The following LDAH variants were observed in gnomAD, a reference collection of about 807,000 sequenced individuals.
LDAH encodes the protein lipid droplet associated hydrolase, also known as lipid droplet-associated hydrolase.
In LDAH, 26 loss-of-function variants were observed where a neutral mutation model predicts 29.6. That is an observed-to-expected ratio of 0.88 (90% CI 0.64 to 1.22). The LOEUF (loss-of-function observed/expected upper bound fraction) is 1.22, where lower values mean the gene tolerates loss of function less well. LDAH is among the 50% of genes most tolerant of loss of function. The probability of loss-of-function intolerance (pLI) is 0.00; values close to 1 mark genes in which losing one functional copy is unlikely to be tolerated. For missense variants in LDAH, 344 were observed against 387.3 expected, an observed-to-expected ratio of 0.89 and a Z score of 0.94; for synonymous variants, 117 against 133.0, an observed-to-expected ratio of 0.88 and a Z score of 0.83.
chr2:20,702,825 A>C (rs1362910371), intron 5 of LDAH, among the ~76,000 whole-genome samples: 1 of 152,130 alleles, frequency 6.6e-6, no homozygotes, highest in Non-Finnish European at 1.5e-5. Flanking sequence ...CTGGAATTTT[A>C]GTTCCAGATT....
At position 20,789,825 on chromosome 2, in the gene LDAH, T is replaced by C. The variant is rs1020000360; in HGVS notation, c.298+430A>G. Among the ~76,000 whole-genome samples the C allele has an allele frequency of 5.9e-5, 9 of 152,178 alleles. No individual in the cohort carries two copies. The South Asian group carries it at 8.3e-4, about 14-fold the overall frequency. On this transcript the variant is annotated intron_variant, in intron 3 of 6. Coordinates refer to ENST00000237822, the MANE Select transcript of LDAH (RefSeq NM_021925.4). ...GTGAACTGTGCATGCCAGATCTAGGTTGCACACCTGTTAATCTGAGGTGGA... is the reference window on the plus strand; with the variant it reads ...GTGAACTGTGCATGCCAGATCTAGGCTGCACACCTGTTAATCTGAGGTGGA...
chr2:20,775,806 T>C lies in LDAH; in HGVS notation c.299-827A>G, dbSNP rs556897628. On this transcript the variant is annotated intron_variant, in intron 3 of 6. Coordinates refer to ENST00000237822, the MANE Select transcript of LDAH (RefSeq NM_021925.4). ...TGCTTAATCAGTACCTCTTTTATTATAGCACTTTATCAAACTTGCACATTG... is the reference window on the plus strand; with the variant it reads ...TGCTTAATCAGTACCTCTTTTATTACAGCACTTTATCAAACTTGCACATTG... Among the ~76,000 whole-genome samples, 5 of 152,344 alleles carry C rather than the reference T, an allele frequency of 3.3e-5. No individual in the cohort carries two copies. The East Asian group carries it at 7.7e-4, about 24-fold the overall frequency.
chr2:20,775,917 C>G (rs143315824), intron 3 of LDAH, among the ~76,000 whole-genome samples: 29 of 152,304 alleles, frequency 1.9e-4, no homozygotes, highest in African/African-American at 7.0e-4. Flanking sequence ...GACTAGTACA[C>G]AGCAAATGTT....
intron 5 of LDAH, among the ~76,000 whole-genome samples, chr2:20,709,615 A>C (rs1664558247): frequency 6.6e-6 from 1 of 152,194 alleles, no homozygotes; most frequent in Non-Finnish European, 1.5e-5. Context: ...TAAAATATTA[A>C]ATACAGAGTT....
At chr2:20,817,007 T>C (rs1235418621) in intron 1 of LDAH, among the ~76,000 whole-genome samples, 1 of 151,928 alleles carries the variant, frequency 6.6e-6, no homozygotes, top group Non-Finnish European at 1.5e-5. Flanking sequence ...TTAAACTATA[T>C]AGAACTGGAT....
chr2:20,790,641 G>A lies in LDAH; in HGVS notation c.155-243C>T, dbSNP rs116022605. 1.3e-3 allele frequency among the ~76,000 whole-genome samples: 198 copies of A among 152,138 alleles called. 1 individual carries two copies. The highest frequency in any genetic ancestry group is 4.4e-3 in the African/African-American group (182 of 41,516). ...TAAAATCAGTAATACTGCATATAAGGCACTTCAAGATTTGGTCATGCTCAG... is the reference window on the plus strand; with the variant it reads ...TAAAATCAGTAATACTGCATATAAGACACTTCAAGATTTGGTCATGCTCAG... On this transcript the variant is annotated intron_variant, in intron 2 of 6. Coordinates refer to ENST00000237822, the MANE Select transcript of LDAH (RefSeq NM_021925.4).
rs70939052 is a variant in LDAH at position 20,814,229 on chromosome 2, T to TGG, written c.-3+8806_-3+8807dup. On this transcript the variant is annotated intron_variant, in intron 1 of 6. Coordinates refer to ENST00000237822, the MANE Select transcript of LDAH (RefSeq NM_021925.4). ...GTTATACTGTCAGTGAGTCTGACAA[T>TGG]GGGGGGGGGGGGTCCATGGTTTATT... Among the ~76,000 whole-genome samples the TGG allele has an allele frequency of 2.0e-4, 26 of 132,388 alleles. 1 individual carries two copies. Among genetic ancestry groups the TGG allele is most frequent in the East Asian group, 4.7e-4 (2 of 4,288 alleles). The allele number at this position is 132,388 out of a possible 152,430, so 86.9% of individuals were successfully genotyped here.
chr2:20,726,541 G>A (rs561543569), intron 5 of LDAH, among the ~76,000 whole-genome samples: 1 of 152,324 alleles, frequency 6.6e-6, no homozygotes, highest in South Asian at 2.1e-4. Flanking sequence ...TAGAAACCCA[G>A]ATGAAACCTT....
At chr2:20,687,574 T>C (rs1490400800) in intron 6 of LDAH, among the ~76,000 whole-genome samples, 2 of 152,270 alleles carry the variant, frequency 1.3e-5, no homozygotes, top group East Asian at 1.9e-4. Flanking sequence ...ATGTAGCTGA[T>C]GAAATGTGAT....
At chr2:20,774,231 G>A (rs1042638978) in intron 4 of LDAH, among the ~76,000 whole-genome samples, 3 of 152,078 alleles carry the variant, frequency 2.0e-5, no homozygotes, top group Admixed American at 6.5e-5. Flanking sequence ...AGGTCTTTGC[G>A]TCTCTAGCGC....
intron 1 of LDAH, among the ~76,000 whole-genome samples, chr2:20,815,449 G>A (rs1255021264): frequency 6.6e-6 from 1 of 151,826 alleles, no homozygotes; most frequent in Admixed American, 6.6e-5. Context: ...AAAACCCTAA[G>A]TGGGAAAAAA....
intron 2 of LDAH, among the ~76,000 whole-genome samples, chr2:20,795,922 T>C (rs1236380299): frequency 6.7e-6 from 1 of 149,152 alleles, no homozygotes; most frequent in South Asian, 2.1e-4. Flanking sequence ...ACAGTGTAAA[T>C]AGATTAGCTC....
chr2:20,736,022 GAA>G (rs1330396741), intron 5 of LDAH, among the ~76,000 whole-genome samples: 1 of 152,176 alleles, frequency 6.6e-6, no homozygotes, highest in Non-Finnish European at 1.5e-5. Flanking sequence ...GTAGAGCAGG[GAA>G]AGAGAGGGGG....
intron 4 of LDAH, among the ~76,000 whole-genome samples, chr2:20,743,045 G>A (rs927734938): frequency 6.6e-6 from 1 of 151,888 alleles, no homozygotes; most frequent in East Asian, 1.9e-4. Context: ...TTACAGGTGT[G>A]AGCCACCACA....
intron 3 of LDAH, among the ~76,000 whole-genome samples, chr2:20,775,495 C>T (rs1372316998): frequency 1.3e-5 from 2 of 152,142 alleles, no homozygotes; most frequent in Non-Finnish European, 2.9e-5. Context: ...GGTCCCAGTA[C>T]CACACATTGA....
chr2:20,728,191 C>T lies in LDAH; in HGVS notation c.703+11780G>A, dbSNP rs1028682648. 3.9e-5 allele frequency among the ~76,000 whole-genome samples: 6 copies of T among 152,100 alleles called. No homozygotes were observed. The South Asian group carries it at 8.3e-4, about 21-fold the overall frequency. On this transcript the variant is annotated intron_variant, in intron 5 of 6. Transcript: ENST00000237822. ...CTAGCAAACTTCCTCCATTTGTTTC[C>T]GTAAGATTTCTACTGAAGCACAGAC... is the stretch of plus-strand genomic sequence containing the variant.
rs1447200428 is a variant in LDAH, at chr2:20,760,891, TGAACATTAGGAGGTGAGGATCATGGGGTG to T, written c.468+13890_468+13918del. ...TTATGGAGGGGATTACGTGTAGGAA[TGAACATTAGGAGGTGAGGATCATGGGGTG>T]CCACCCACCCTAAAGTCTGTCCGCC... On this transcript the variant is annotated intron_variant, in intron 4 of 6. Transcript: ENST00000237822. 5.3e-5 allele frequency among the ~76,000 whole-genome samples: 8 copies of T among 152,338 alleles called. No individual in the cohort carries two copies. The South Asian group carries it at 1.7e-3, about 32-fold the overall frequency.
intron 4 of LDAH, among the ~76,000 whole-genome samples, chr2:20,752,827 G>A (rs982364562): frequency 3.3e-5 from 5 of 152,154 alleles, no homozygotes; most frequent in Admixed American, 2.0e-4. Flanking sequence ...AGCTTCTGAT[G>A]GTTGCTGATA....
intron 5 of LDAH, among the ~76,000 whole-genome samples, chr2:20,707,890 G>T (rs565686593): frequency 6.6e-6 from 1 of 152,098 alleles, no homozygotes; most frequent in Non-Finnish European, 1.5e-5. Flanking sequence ...AAGCTCCACC[G>T]CCTGTCAGAT....
Sources: gnomAD v4.1 joint callset for allele counts (sites outside exome capture counted in the v4.1 genomes callset) on GRCh38, gnomAD v4.1.1 for gene constraint, MANE v1.5 for transcripts, NCBI Gene and HGNC (gene_info 2026-07-23, HGNC 2026-07-21) for gene names.